WDR48: variants seen among roughly 807,000 people sequenced by gnomAD.
The protein encoded by WDR48 is WD repeat domain 48.
Under a neutral mutation model 94.0 loss-of-function variants are expected in WDR48, and 22 were observed. That is an observed-to-expected ratio of 0.23 (90% CI 0.17 to 0.33). The LOEUF (loss-of-function observed/expected upper bound fraction) is 0.33, where lower values mean the gene tolerates loss of function less well. WDR48 is among the 10% of genes least tolerant of loss of function. The probability of loss-of-function intolerance (pLI) is 1.00; values close to 1 mark genes in which losing one functional copy is unlikely to be tolerated. For missense variants in WDR48, 541 were observed against 813.8 expected, an observed-to-expected ratio of 0.66 and a Z score of 4.08; for synonymous variants, 278 against 280.5, an observed-to-expected ratio of 0.99 and a Z score of 0.09.
At chr3:39,075,224 A>AAG (rs1279368515) in intron 8 of WDR48, among the ~76,000 whole-genome samples, 4 of 134,300 alleles carry the variant, frequency 3.0e-5, no homozygotes, top group Non-Finnish European at 4.7e-5. Flanking sequence ...ACAGTTTTGT[A>AAG]AGTCGCCTAT....
intron 2 of WDR48, among the ~76,000 whole-genome samples, chr3:39,065,243 T>C (rs1051114541): frequency 3.9e-5 from 6 of 152,150 alleles, no homozygotes; most frequent in Admixed American, 3.3e-4. Flanking sequence ...TTCTCAGCCG[T>C]TGGGTTTCCT....
At chr3:39,087,210 G>A (rs1255261168) in intron 14 of WDR48, among the ~76,000 whole-genome samples, 2 of 152,172 alleles carry the variant, frequency 1.3e-5, no homozygotes, top group Non-Finnish European at 2.9e-5. Flanking sequence ...ACTTGAGTTG[G>A]TATCACCCAC....
In WDR48 at chr3:39,066,965, C is replaced by T. The variant is rs568511951; in HGVS notation, c.481+90C>T. ...TAAAACATTTTTGATAGGTTTGCAT[C>T]GAGAGAGTGTTTCATATTTTGAGAG... On this transcript the variant is annotated intron_variant, in intron 5 of 18. Transcript: ENST00000302313. The T allele has an allele frequency of 6.2e-5, 90 of 1,453,648 alleles. 1 individual carries two copies. The highest frequency in any genetic ancestry group is 9.2e-5 in the South Asian group (7 of 76,330). The allele number at this position is 1,453,648 out of a possible 1,614,324, so 90.0% of individuals were successfully genotyped here.
chr3:39,052,259 G>A, intron 1 of WDR48, 186 bp downstream of exon 1: 1 of 668,944 alleles, frequency 1.5e-6, no homozygotes, highest in Admixed American at 3.3e-5. Context: ...GGGTCGGCTT[G>A]CTTGGCCCTT....
chr3:39,069,486 A>G (rs2033804364), intron 6 of WDR48, among the ~76,000 whole-genome samples, 157 bp from the exon 7 acceptor site: 1 of 152,224 alleles, frequency 6.6e-6, no homozygotes, highest in Non-Finnish European at 1.5e-5. Flanking sequence ...GAAAGGCCTA[A>G]TTCCCTGAGG....
intron 12 of WDR48, 69 bp downstream of exon 12, chr3:39,084,331 ATTAG>A: frequency 8.4e-7 from 1 of 1,189,132 alleles, no homozygotes; most frequent in South Asian, 1.7e-5. Flanking sequence ...TATAATTATT[ATTAG>A]TTACAGAGTC....
chr3:39,093,962 C>T lies in WDR48; in HGVS notation c.1834C>T (p.Gln612Ter). The T allele has an allele frequency of 6.2e-7, 1 of 1,614,024 alleles. No homozygotes were observed. The highest frequency in any genetic ancestry group is 2.2e-5 in the East Asian group (1 of 44,882). ...EKIINLDNES[Q>*]TTSSSNNEKP... Reference sequence around the variant, plus strand: ...AATTATCAACTTGGATAATGAGTCTCAAACCACTAGCTCTTCTAATAATGA... The same window carrying T: ...AATTATCAACTTGGATAATGAGTCTTAAACCACTAGCTCTTCTAATAATGA... The change falls in exon 18 of 19, where the codon CAA (glutamine) becomes TAA (stop). Residue 612 changes from glutamine (Q) to a stop codon, truncating the protein, a stop_gained. Coordinates refer to ENST00000302313, the MANE Select transcript of WDR48 (RefSeq NM_020839.4). LOFTEE classifies it high-confidence loss of function.
chr3:39,061,576 T>A (rs1039163399), intron 1 of WDR48, among the ~76,000 whole-genome samples: 1 of 152,184 alleles, frequency 6.6e-6, no homozygotes, highest in African/African-American at 2.4e-5. Flanking sequence ...GCATGTTTCT[T>A]TATAGTAGAA....
intron 2 of WDR48, among the ~76,000 whole-genome samples, chr3:39,064,884 T>C (rs2033507443): frequency 1.3e-5 from 2 of 152,220 alleles, no homozygotes; most frequent in African/African-American, 4.8e-5. Flanking sequence ...AAATGCTTTT[T>C]GGTACTTATA....
intron 10 of WDR48, among the ~76,000 whole-genome samples, chr3:39,078,685 C>T (rs1275578679): frequency 6.6e-6 from 1 of 151,674 alleles, no homozygotes; most frequent in Non-Finnish European, 1.5e-5. Flanking sequence ...TCCCAAAGTA[C>T]TGGGATTACG....
chr3:39,094,397 G>A (rs771715665), intron 18 of WDR48: 26 of 1,487,838 alleles, frequency 1.7e-5, no homozygotes, highest in Non-Finnish European at 2.1e-5. Flanking sequence ...AAATCAAGAT[G>A]CACTCAAAAC....
intron 15 of WDR48, 100 bp from the exon 16 acceptor site, chr3:39,089,131 T>C: frequency 1.9e-6 from 2 of 1,042,952 alleles, no homozygotes; most frequent in Non-Finnish European, 2.9e-6. Context: ...GGGGTTATCC[T>C]ACATGAAAAC....
At chr3:39,057,254 C>T (rs2032948576) in intron 1 of WDR48, among the ~76,000 whole-genome samples, 1 of 152,124 alleles carries the variant, frequency 6.6e-6, no homozygotes, top group Non-Finnish European at 1.5e-5. Context: ...TCCTAATCTA[C>T]AGTAGCATGA....
chr3:39,073,598 A>G (rs80181963), intron 7 of WDR48, among the ~76,000 whole-genome samples: 5,241 of 152,204 alleles, frequency 0.034, 189 homozygotes, highest in East Asian at 0.16. Context: ...TCAAGTTTTT[A>G]TACTCTTCTG....
At chr3:39,078,095 G>A in intron 9 of WDR48, 42 bp from the exon 10 acceptor site, 1 of 1,456,112 alleles carries the variant, frequency 6.9e-7, no homozygotes, top group Non-Finnish European at 9.5e-7. Context: ...GGCAAAGCTT[G>A]TAGAGCATAA....
At chr3:39,068,745 C>G in intron 5 of WDR48, 26 bp from the exon 6 acceptor site, 1 of 1,563,708 alleles carries the variant, frequency 6.4e-7, no homozygotes, top group East Asian at 2.2e-5. Context: ...ATCTTGTTAA[C>G]ATTTAGCTCC....
chr3:39,074,064 T>G (rs1477434950), intron 7 of WDR48, among the ~76,000 whole-genome samples: 2 of 152,240 alleles, frequency 1.3e-5, no homozygotes, highest in African/African-American at 4.8e-5. Flanking sequence ...ATAATTTATA[T>G]TTTAACAAGT....
At chr3:39,091,486 T>C in intron 16 of WDR48, 139 bp from the exon 17 acceptor site, 1 of 620,420 alleles carries the variant, frequency 1.6e-6, no homozygotes, top group South Asian at 2.5e-5. Context: ...GGTAATTTGA[T>C]AGCTTACTAT....
At chr3:39,068,975 A>T in intron 6 of WDR48, 116 bp downstream of exon 6, 1 of 739,276 alleles carries the variant, frequency 1.4e-6, no homozygotes, top group Non-Finnish European at 2.1e-6. Flanking sequence ...TTATTTAGAG[A>T]CTGGGTCTCA....
Sources: allele counts gnomAD v4.1 joint callset (sites outside exome capture counted in the v4.1 genomes callset), GRCh38; gene constraint gnomAD v4.1.1; transcripts MANE v1.5; gene names NCBI Gene and HGNC (gene_info 2026-07-23, HGNC 2026-07-21).